PCSK5: variants seen among roughly 807,000 people sequenced by gnomAD.
PCSK5 encodes prohormone convertase 5.
A neutral mutation model predicts 233.2 loss-of-function variants in PCSK5; 129 were observed. The ratio of observed to expected loss-of-function variants is 0.55; its 90% CI spans 0.48 to 0.64. The LOEUF is 0.64. PCSK5 is among the 30% of genes least tolerant of loss of function. The pLI is 0.00. For missense variants in PCSK5, 2,076 were observed against 2,430.1 expected (o/e 0.85, Z 3.06); for synonymous variants, 825 against 879.2 (o/e 0.94, Z 1.09).
intron 1 of PCSK5, among the ~76,000 whole-genome samples, chr9:75,911,869 T>G (rs1822753185): frequency 6.6e-6 from 1 of 152,144 alleles, no homozygotes; most frequent in South Asian, 2.1e-4. Context: ...ATTTCTCCCT[T>G]TGTCTTAATA....
intron 24 of PCSK5, among the ~76,000 whole-genome samples, chr9:76,252,272 G>GA (rs200025130): frequency 6.6e-6 from 1 of 151,566 alleles, no homozygotes; most frequent in African/African-American, 2.4e-5. Flanking sequence ...CTCCGTCTCA[G>GA]AAAAAATAAT....
chr9:76,000,833 T>A (rs1827230119), intron 3 of PCSK5, among the ~76,000 whole-genome samples: 1 of 152,174 alleles, frequency 6.6e-6, no homozygotes, highest in African/African-American at 2.4e-5. Context: ...ATTCTTTTTC[T>A]GGTATAATAA....
intron 24 of PCSK5, among the ~76,000 whole-genome samples, chr9:76,269,211 T>C (rs779955426): frequency 3.3e-5 from 5 of 152,274 alleles, no homozygotes; most frequent in Non-Finnish European, 7.3e-5. Flanking sequence ...TTGTTTGTGC[T>C]GGCTGAACAA....
chr9:76,174,011 A>G (rs1057395283), intron 13 of PCSK5, among the ~76,000 whole-genome samples: 2 of 152,062 alleles, frequency 1.3e-5, no homozygotes, highest in Non-Finnish European at 2.9e-5. Flanking sequence ...GACCCATAGA[A>G]CATTCTGCAA....
Position 76,041,843 on chromosome 9 carries a change from G to GGAAA in PCSK5, c.632+14806_632+14807insGAAA, listed in dbSNP as rs1554677386. On this transcript the variant is annotated intron_variant, in intron 5 of 37. Coordinates refer to ENST00000674117, the MANE Select transcript of PCSK5 (RefSeq NM_001372043.1). ...GACAGAGCAAGACTCTGTCTCAAGG[G>GGAAA]AAAAAAAAAAAAAAAAGATTTTATA... Among the ~76,000 whole-genome samples the GGAAA allele has an allele frequency of 6.5e-4, 85 of 131,036 alleles. 1 individual carries two copies. Among genetic ancestry groups the GGAAA allele is most frequent in the Non-Finnish European group, 8.8e-4 (53 of 60,208 alleles). 86.0% of individuals were successfully genotyped at this position (131,036 alleles called of 152,430 possible).
chr9:75,998,964 T>G (rs960028261), intron 3 of PCSK5, among the ~76,000 whole-genome samples: 1 of 152,226 alleles, frequency 6.6e-6, no homozygotes, highest in African/African-American at 2.4e-5. Context: ...TTTTCAAATT[T>G]CCCGATCTAA....
chr9:75,928,454 T>C (rs968509785), intron 1 of PCSK5, among the ~76,000 whole-genome samples: 10 of 151,742 alleles, frequency 6.6e-5, no homozygotes, highest in African/African-American at 2.4e-4. Flanking sequence ...TCCAACATGT[T>C]GTGACATTTT....
At chr9:76,057,473 A>G (rs1393539204) in intron 5 of PCSK5, among the ~76,000 whole-genome samples, 1 of 152,216 alleles carries the variant, frequency 6.6e-6, no homozygotes, top group African/African-American at 2.4e-5. Context: ...TTGGACCATC[A>G]ATTACAGTAT....
At chr9:76,298,141 C>T (rs1248395201) in intron 27 of PCSK5, among the ~76,000 whole-genome samples, 11 of 152,206 alleles carry the variant, frequency 7.2e-5, no homozygotes, top group Middle Eastern at 3.4e-3. Context: ...TTTTATCTGG[C>T]GTCCAGATGA....
At chr9:76,088,442 G>A (rs751078088) in intron 7 of PCSK5, among the ~76,000 whole-genome samples, 4 of 152,200 alleles carry the variant, frequency 2.6e-5, no homozygotes, top group Non-Finnish European at 5.9e-5. Context: ...TAGTTCCTCT[G>A]TTTACCTTAG....
At chr9:76,350,217 G>T (rs1405686003) in intron 35 of PCSK5, among the ~76,000 whole-genome samples, 1 of 151,982 alleles carries the variant, frequency 6.6e-6, no homozygotes, top group Non-Finnish European at 1.5e-5. Flanking sequence ...GACATTACAT[G>T]TCTGGGCCTT....
intron 17 of PCSK5, among the ~76,000 whole-genome samples, chr9:76,185,131 G>T (rs1248545026): frequency 1.3e-5 from 2 of 152,146 alleles, no homozygotes; most frequent in Non-Finnish European, 2.9e-5. Context: ...TCCTTGGATG[G>T]TCGGAAATTA....
intron 20 of PCSK5, among the ~76,000 whole-genome samples, chr9:76,212,675 A>G (rs537731506): frequency 3.5e-4 from 53 of 152,196 alleles, no homozygotes; most frequent in African/African-American, 1.2e-3. Context: ...CTCATTTCCT[A>G]TATGCAGGTT....
chr9:76,111,950 AT>A (rs1767908883), intron 9 of PCSK5, among the ~76,000 whole-genome samples: 1 of 152,232 alleles, frequency 6.6e-6, no homozygotes, highest in Non-Finnish European at 1.5e-5. Context: ...TAAAGTCAAA[AT>A]AACTAACATT....
intron 24 of PCSK5, among the ~76,000 whole-genome samples, chr9:76,248,954 G>T (rs1826707585): frequency 6.6e-6 from 1 of 151,992 alleles, no homozygotes; most frequent in South Asian, 2.1e-4. Context: ...GTAGAGGTGG[G>T]GTCTAGCTAT....
At chr9:76,205,045 T>C (rs747804196) in intron 20 of PCSK5, 2 of 508,644 alleles carry the variant, frequency 3.9e-6, no homozygotes, top group Non-Finnish European at 7.8e-6. Flanking sequence ...TAAGGGGTTA[T>C]ATAACTACCA....
intron 2 of PCSK5, among the ~76,000 whole-genome samples, chr9:75,972,943 A>G (rs1488007173): frequency 1.3e-5 from 2 of 152,140 alleles, no homozygotes; most frequent in Admixed American, 1.3e-4. Flanking sequence ...AGCTGACAAG[A>G]TATTTCAGAA....
At chr9:76,090,929 G>C (rs1235441828) in intron 7 of PCSK5, among the ~76,000 whole-genome samples, 1 of 151,832 alleles carries the variant, frequency 6.6e-6, no homozygotes, top group African/African-American at 2.4e-5. Flanking sequence ...AGATTCTCGT[G>C]AGAAGCAGGA....
intron 25 of PCSK5, among the ~76,000 whole-genome samples, chr9:76,293,922 C>G (rs181084623): frequency 6.6e-6 from 1 of 152,214 alleles, no homozygotes; most frequent in Non-Finnish European, 1.5e-5. Flanking sequence ...TGTTGCTGGG[C>G]GTGTTGGCTC....
Sources: allele counts gnomAD v4.1 joint callset (sites outside exome capture counted in the v4.1 genomes callset), GRCh38; gene constraint gnomAD v4.1.1; transcripts MANE v1.5; gene names NCBI Gene and HGNC (gene_info 2026-07-23, HGNC 2026-07-21).